Variants in ANO4 observed in about 807,000 individuals in gnomAD.
The protein encoded by ANO4 is anoctamin-4.
ANO4 carries 69 observed loss-of-function variants against 141.9 expected under a neutral mutation model. The observed-to-expected ratio is 0.49, with a 90% CI of 0.40 to 0.59. The LOEUF is 0.59. ANO4 is among the 20% of genes least tolerant of loss of function. The pLI is 0.00. For synonymous variants in ANO4, 350 were observed against 394.3 expected (o/e 0.89, Z 1.33); for missense variants, 894 against 1,162.2 (o/e 0.77, Z 3.36).
At chr12:100,995,275 G>C (rs947171080) in intron 8 of ANO4, among the ~76,000 whole-genome samples, 9 of 152,150 alleles carry the variant, frequency 5.9e-5, no homozygotes, top group African/African-American at 2.2e-4. Flanking sequence ...AGAGTTCCAA[G>C]AGGGGAACAG....
At chr12:100,862,113 C>T (rs1287776317) in intron 1 of ANO4, among the ~76,000 whole-genome samples, 3 of 151,918 alleles carry the variant, frequency 2.0e-5, no homozygotes, top group Admixed American at 1.3e-4. Flanking sequence ...CTTTTAGAGC[C>T]ACGGGGTCTC....
chr12:100,994,802 C>T (rs1334824316), intron 8 of ANO4, among the ~76,000 whole-genome samples: 1 of 152,174 alleles, frequency 6.6e-6, no homozygotes, highest in African/African-American at 2.4e-5. Context: ...GCAAAAATTC[C>T]TGCCCTCCTG....
intron 1 of ANO4, among the ~76,000 whole-genome samples, chr12:100,831,931 T>C (rs1442309794): frequency 6.6e-6 from 1 of 152,160 alleles, no homozygotes; most frequent in African/African-American, 2.4e-5. Context: ...AATGAAAATA[T>C]TGATTGTTAA....
At chr12:100,948,051 G>A (rs552951287) in intron 5 of ANO4, among the ~76,000 whole-genome samples, 9 of 150,950 alleles carry the variant, frequency 6.0e-5, no homozygotes, top group African/African-American at 2.2e-4. Flanking sequence ...AAAATTAGCC[G>A]GCTGTGGTGG....
In ANO4 at chr12:101,032,884, T is replaced by C. The variant is rs2047033273; in HGVS notation, c.842-4211T>C. 2.6e-5 allele frequency among the ~76,000 whole-genome samples: 4 copies of C among 151,598 alleles called. No individual in the cohort carries two copies. In the South Asian group the frequency reaches 8.4e-4, roughly 32 times the overall value. On this transcript the variant is annotated intron_variant, in intron 9 of 27. Coordinates refer to ENST00000392977, the MANE Select transcript of ANO4 (RefSeq NM_001286615.2). ...CACTGTTGGTGGGACTGTAAACTAG[T>C]TCAACCCTTGTGGAAGTCAGTGTGG...
chr12:100,827,425 A>AC (rs1245996295), intron 1 of ANO4, among the ~76,000 whole-genome samples: 7 of 151,786 alleles, frequency 4.6e-5, no homozygotes, highest in African/African-American at 9.7e-5. Flanking sequence ...AGAAAGAAAT[A>AC]CCCCCCCATA....
intron 9 of ANO4, among the ~76,000 whole-genome samples, chr12:101,033,427 C>T (rs1428281759): frequency 6.6e-6 from 1 of 151,866 alleles, no homozygotes; most frequent in African/African-American, 2.4e-5. Flanking sequence ...TGTAACTGAC[C>T]TGCACAATGT....
At chr12:101,097,990 A>T in intron 21 of ANO4, 45 bp downstream of exon 21, 1 of 1,561,960 alleles carries the variant, frequency 6.4e-7, no homozygotes, top group Non-Finnish European at 8.8e-7. Context: ...ATTGCTCATT[A>T]TTGGCTTTTC....
intron 14 of ANO4, among the ~76,000 whole-genome samples, chr12:101,053,635 A>G (rs651173): frequency 0.29 from 43,976 of 152,040 alleles, 7,222 homozygotes; most frequent in Non-Finnish European, 0.37. Context: ...CTGTGTCTTC[A>G]CATGGCTATC....
chr12:101,030,305 A>G (rs984332839), intron 9 of ANO4, among the ~76,000 whole-genome samples: 2 of 152,254 alleles, frequency 1.3e-5, no homozygotes, highest in Non-Finnish European at 2.9e-5. Context: ...ATCAAATTAG[A>G]ACTCAGGATT....
intron 8 of ANO4, among the ~76,000 whole-genome samples, chr12:101,015,026 T>G (rs1031717163): frequency 6.9e-6 from 1 of 144,998 alleles, no homozygotes; most frequent in Admixed American, 7.0e-5. Flanking sequence ...GGGGTCTCAC[T>G]ATGTTGCCCT....
At chr12:100,851,794 C>T (rs2037887564) in intron 1 of ANO4, among the ~76,000 whole-genome samples, 1 of 151,976 alleles carries the variant, frequency 6.6e-6, no homozygotes, top group African/African-American at 2.4e-5. Flanking sequence ...GACCAGAGAC[C>T]TGTGGGGGGA....
chr12:100,888,561 G>A (rs1187927915), intron 1 of ANO4, among the ~76,000 whole-genome samples: 1 of 152,252 alleles, frequency 6.6e-6, no homozygotes, highest in Admixed American at 6.5e-5. Flanking sequence ...GAGCAGGGAA[G>A]AAGTAACTCA....
intron 14 of ANO4, chr12:101,068,862 T>A: frequency 1.1e-6 from 1 of 902,096 alleles, no homozygotes; most frequent in Non-Finnish European, 1.9e-6. Flanking sequence ...AAGTAGAGGG[T>A]TGAATCTCAT....
intron 9 of ANO4, among the ~76,000 whole-genome samples, chr12:101,021,971 A>G (rs571795873): frequency 3.3e-5 from 5 of 151,880 alleles, no homozygotes; most frequent in East Asian, 3.9e-4. Flanking sequence ...GCTCAACATC[A>G]TAAGAGGAAC....
intron 1 of ANO4, among the ~76,000 whole-genome samples, chr12:100,803,849 A>G (rs950388212): frequency 1.3e-5 from 2 of 152,112 alleles, no homozygotes; most frequent in Middle Eastern, 3.2e-3. Flanking sequence ...TTATCTAACA[A>G]TTGTTAACCT....
intron 3 of ANO4, among the ~76,000 whole-genome samples, chr12:100,789,356 A>C (rs1229583200): frequency 6.6e-6 from 1 of 152,208 alleles, no homozygotes; most frequent in Non-Finnish European, 1.5e-5. Context: ...GAATGACATA[A>C]GTGCTGAGTC....
intron 3 of ANO4, among the ~76,000 whole-genome samples, chr12:100,923,727 T>G (rs993231780): frequency 7.9e-5 from 12 of 152,098 alleles, no homozygotes; most frequent in Non-Finnish European, 1.5e-4. Context: ...CTTCCACAAT[T>G]GTTGAACTAA....
intron 5 of ANO4, among the ~76,000 whole-genome samples, chr12:100,955,947 G>T (rs2043158340): frequency 6.6e-6 from 1 of 152,160 alleles, no homozygotes; most frequent in Non-Finnish European, 1.5e-5. Flanking sequence ...CATGAGGACT[G>T]CACGGATTTC....
Sources: allele counts gnomAD v4.1 joint callset (sites outside exome capture counted in the v4.1 genomes callset), GRCh38; gene constraint gnomAD v4.1.1; transcripts MANE v1.5; gene names NCBI Gene and HGNC (gene_info 2026-07-23, HGNC 2026-07-21).